The following FRMD4B variants were observed in gnomAD, a reference collection of about 807,000 sequenced individuals.
The protein encoded by FRMD4B is FERM domain containing 4B.
In FRMD4B, 74 loss-of-function variants were observed where a neutral mutation model predicts 141.5. That is an observed-to-expected ratio of 0.52 (90% confidence interval 0.43 to 0.63). The LOEUF (loss-of-function observed/expected upper bound fraction) is 0.63, where lower values mean the gene tolerates loss of function less well. FRMD4B is among the 30% of genes least tolerant of loss of function. FRMD4B has a pLI of 0.00. For missense variants in FRMD4B, 1,366 were observed against 1,253.4 expected, an observed-to-expected ratio of 1.09 and a Z score of -1.36; for synonymous variants, 506 against 467.9, an observed-to-expected ratio of 1.08 and a Z score of -1.05.
chr3:69,399,720 C>G (rs1201317332), intron 2 of FRMD4B, among the ~76,000 whole-genome samples: 1 of 152,178 alleles, frequency 6.6e-6, no homozygotes, highest in Non-Finnish European at 1.5e-5. Flanking sequence ...ATCTTTCAAG[C>G]CTTAGCTTTA....
At chr3:69,288,097 A>G (rs1169991450) in intron 4 of FRMD4B, among the ~76,000 whole-genome samples, 2 of 152,378 alleles carry the variant, frequency 1.3e-5, no homozygotes, top group East Asian at 3.9e-4. Flanking sequence ...TCAACCAAAA[A>G]CAAACAAAAA....
At chr3:69,347,058 C>A (rs1053654486) in intron 1 of FRMD4B, among the ~76,000 whole-genome samples, 1 of 152,166 alleles carries the variant, frequency 6.6e-6, no homozygotes, top group East Asian at 1.9e-4. Context: ...AGAGTCAAGA[C>A]CCATCAGTGT....
intron 1 of FRMD4B, among the ~76,000 whole-genome samples, chr3:69,360,497 A>C (rs60567850): frequency 6.6e-6 from 1 of 152,192 alleles, no homozygotes; most frequent in Non-Finnish European, 1.5e-5. Flanking sequence ...CAAAATAAAA[A>C]AAAGCTCCAC....
chr3:69,475,825 G>C (rs1412184761), intron 1 of FRMD4B, among the ~76,000 whole-genome samples: 21 of 151,760 alleles, frequency 1.4e-4, no homozygotes, highest in Non-Finnish European at 5.9e-5. Flanking sequence ...CCCACCAACA[G>C]TGTAAAACTG....
chr3:69,332,162 TGTTCA>T (rs1169485271), intron 1 of FRMD4B, among the ~76,000 whole-genome samples: 3 of 152,120 alleles, frequency 2.0e-5, no homozygotes, highest in East Asian at 3.9e-4. Flanking sequence ...CCACAGGCCA[TGTTCA>T]GGTGCCGGGC....
intron 5 of FRMD4B, among the ~76,000 whole-genome samples, chr3:69,265,757 T>A (rs2093558598): frequency 6.6e-6 from 1 of 152,014 alleles, no homozygotes; most frequent in South Asian, 2.1e-4. Flanking sequence ...ACATATTTGT[T>A]CTTGAGATGA....
chr3:69,268,690 A>C (rs1031973520), intron 5 of FRMD4B, among the ~76,000 whole-genome samples: 3 of 151,994 alleles, frequency 2.0e-5, no homozygotes, highest in Non-Finnish European at 4.4e-5. Flanking sequence ...TACAGTCATG[A>C]TGTTAAAAGT....
At chr3:69,249,316 T>A (rs746939645) in intron 6 of FRMD4B, 68 bp from the exon 7 acceptor site, 7 of 1,059,552 alleles carry the variant, frequency 6.6e-6, no homozygotes, top group Non-Finnish European at 9.9e-6. Flanking sequence ...AGTTTTATCT[T>A]GATTACTTTC....
At chr3:69,419,021 T>G (rs1329127238) in intron 2 of FRMD4B, among the ~76,000 whole-genome samples, 1 of 152,164 alleles carries the variant, frequency 6.6e-6, no homozygotes, top group Non-Finnish European at 1.5e-5. Flanking sequence ...GAGAATCAAC[T>G]GCACCAAATG....
intron 1 of FRMD4B, among the ~76,000 whole-genome samples, chr3:69,540,632 A>ATATAT (rs1204897443): frequency 4.1e-5 from 3 of 73,288 alleles, no homozygotes; most frequent in East Asian, 9.0e-4. Flanking sequence ...AAAAAAAAAA[A>ATATAT]AAAAATATAT....
chr3:69,229,998 A>G (rs1484098670), intron 7 of FRMD4B, among the ~76,000 whole-genome samples: 1 of 148,608 alleles, frequency 6.7e-6, no homozygotes, highest in Non-Finnish European at 1.5e-5. Flanking sequence ...TTTTTTTGAT[A>G]TGGAGTCTCG....
chr3:69,186,079 T>C (rs1312262791), intron 19 of FRMD4B, among the ~76,000 whole-genome samples: 2 of 151,894 alleles, frequency 1.3e-5, no homozygotes, highest in African/African-American at 4.8e-5. Context: ...AGAAATGTTA[T>C]ATGAAATTAA....
chr3:69,478,320 C>T (rs1706040628), intron 1 of FRMD4B, among the ~76,000 whole-genome samples: 1 of 152,084 alleles, frequency 6.6e-6, no homozygotes, highest in Admixed American at 6.6e-5. Context: ...TGGATCTTTC[C>T]TGCTTTCTCT....
At chr3:69,372,516 T>A (rs1332889049) in intron 1 of FRMD4B, among the ~76,000 whole-genome samples, 1 of 151,936 alleles carries the variant, frequency 6.6e-6, no homozygotes, top group Non-Finnish European at 1.5e-5. Context: ...AATACAAAAA[T>A]TAGCTGGGCG....
intron 1 of FRMD4B, among the ~76,000 whole-genome samples, chr3:69,330,991 C>A (rs1702350459): frequency 6.6e-6 from 1 of 152,218 alleles, no homozygotes. Context: ...TGTTCCTGCT[C>A]TATTCTAATC....
At chr3:69,181,815 A>G in intron 20 of FRMD4B, 105 bp from the exon 21 acceptor site, 2 of 692,112 alleles carry the variant, frequency 2.9e-6, no homozygotes, top group South Asian at 3.9e-5. Flanking sequence ...GTGAATTACA[A>G]TAGGACTTTG....
chr3:69,470,921 G>A (rs1232584594), intron 1 of FRMD4B, among the ~76,000 whole-genome samples: 7 of 152,144 alleles, frequency 4.6e-5, no homozygotes, highest in African/African-American at 1.7e-4. Flanking sequence ...ATGGCCGACA[G>A]GCTTGAAACA....
At chr3:69,512,249 C>A (rs1045769097) in intron 1 of FRMD4B, among the ~76,000 whole-genome samples, 4 of 152,070 alleles carry the variant, frequency 2.6e-5, no homozygotes, top group African/African-American at 9.7e-5. Flanking sequence ...TAGACTTGGG[C>A]CCTACTTAAT....
chr3:69,215,115 G>A (rs545254004), intron 11 of FRMD4B, among the ~76,000 whole-genome samples: 1 of 150,520 alleles, frequency 6.6e-6, no homozygotes, highest in East Asian at 2.0e-4. Context: ...CCTGAGCTCA[G>A]GCAACCCACC....
Sources: gnomAD v4.1 joint callset for allele counts (sites outside exome capture counted in the v4.1 genomes callset) on GRCh38, gnomAD v4.1.1 for gene constraint, MANE v1.5 for transcripts, NCBI Gene and HGNC (gene_info 2026-07-23, HGNC 2026-07-21) for gene names.